NFATC3: variants seen among roughly 807,000 people sequenced by gnomAD.
NFATC3 encodes the protein nuclear factor of activated T-cells, cytoplasmic 3.
NFATC3 carries 46 observed loss-of-function variants against 98.6 expected under a neutral mutation model. The ratio of observed to expected loss-of-function variants is 0.47; its 90% CI spans 0.37 to 0.60. The LOEUF (loss-of-function observed/expected upper bound fraction) is 0.60, where lower values mean the gene tolerates loss of function less well. NFATC3 is among the 20% of genes least tolerant of loss of function. The probability of loss-of-function intolerance (pLI) is 0.00; values close to 1 mark genes in which losing one functional copy is unlikely to be tolerated. For missense variants in NFATC3, 1,256 were observed against 1,295.5 expected (o/e 0.97, Z 0.47); for synonymous variants, 512 against 472.2 (o/e 1.08, Z -1.09).
At chr16:68,112,698 C>CCGGACTG (rs1285911111) in intron 1 of NFATC3, among the ~76,000 whole-genome samples, 13 of 136,690 alleles carry the variant, frequency 9.5e-5, no homozygotes, top group African/African-American at 3.1e-4. Flanking sequence ...GTCGCCCAGG[C>CCGGACTG]CGGACTGCGG....
At chr16:68,136,277 T>C (rs1178201503) in intron 3 of NFATC3, among the ~76,000 whole-genome samples, 2 of 152,098 alleles carry the variant, frequency 1.3e-5, no homozygotes, top group Non-Finnish European at 2.9e-5. Flanking sequence ...TTTTTTTCTT[T>C]TTTCTTTTAT....
intron 1 of NFATC3, among the ~76,000 whole-genome samples, chr16:68,092,716 C>T (rs950557868): frequency 3.3e-5 from 5 of 152,094 alleles, no homozygotes; most frequent in African/African-American, 1.2e-4. Flanking sequence ...CATAAGGATA[C>T]CCTGTTTCTT....
chr16:68,203,547 C>A (rs1240082202), intron 9 of NFATC3, among the ~76,000 whole-genome samples: 2 of 152,014 alleles, frequency 1.3e-5, no homozygotes, highest in African/African-American at 4.8e-5. Context: ...GTGGGAGGAT[C>A]GCTGGAGCCT....
intron 8 of NFATC3, 49 bp from the exon 9 acceptor site, chr16:68,190,719 A>G (rs1316103609): frequency 2.0e-6 from 3 of 1,527,428 alleles, no homozygotes; most frequent in Non-Finnish European, 2.6e-6. Context: ...CTGTCATGAT[A>G]ATTTTATGTA....
At chr16:68,124,372 A>G (rs1463113692) in intron 2 of NFATC3, among the ~76,000 whole-genome samples, 1 of 151,440 alleles carries the variant, frequency 6.6e-6, no homozygotes, top group Admixed American at 6.6e-5. Flanking sequence ...CTCAGTTTGC[A>G]AAGTGCCAGG....
At chr16:68,092,672 C>T (rs908331393) in intron 1 of NFATC3, among the ~76,000 whole-genome samples, 1 of 151,854 alleles carries the variant, frequency 6.6e-6, no homozygotes, top group Non-Finnish European at 1.5e-5. Context: ...GGAAGTATCT[C>T]TTGAGCCTAG....
At chr16:68,144,482 G>T (rs1028823475) in intron 3 of NFATC3, among the ~76,000 whole-genome samples, 6 of 151,074 alleles carry the variant, frequency 4.0e-5, no homozygotes, top group African/African-American at 1.2e-4. Flanking sequence ...AATAATATTC[G>T]TAACAACTAT....
At chr16:68,222,265 G>A (rs1459303208) in intron 9 of NFATC3, among the ~76,000 whole-genome samples, 1 of 117,912 alleles carries the variant, frequency 8.5e-6, no homozygotes, top group East Asian at 2.5e-4. Flanking sequence ...TTCCAGCCTG[G>A]GCAACAGAGT....
At chr16:68,123,636 A>G (rs1460768162) in intron 2 of NFATC3, among the ~76,000 whole-genome samples, 2 of 151,906 alleles carry the variant, frequency 1.3e-5, no homozygotes, top group African/African-American at 4.8e-5. Flanking sequence ...ATTGTACTCC[A>G]TCCTGTTTCT....
chr16:68,100,366 G>GTT (rs2035277983), intron 1 of NFATC3, among the ~76,000 whole-genome samples: 1 of 151,912 alleles, frequency 6.6e-6, no homozygotes. Context: ...TGAGGCCAGG[G>GTT]GTTCAAGACC....
intron 3 of NFATC3, among the ~76,000 whole-genome samples, chr16:68,131,495 C>G (rs2037111363): frequency 1.3e-5 from 2 of 152,060 alleles, no homozygotes; most frequent in African/African-American, 4.8e-5. Flanking sequence ...CCAGGCTGGT[C>G]TCGAACTCCT....
intron 3 of NFATC3, among the ~76,000 whole-genome samples, chr16:68,130,308 G>C (rs2151517102): frequency 6.6e-6 from 1 of 152,174 alleles, no homozygotes; most frequent in Non-Finnish European, 1.5e-5. Context: ...ATCCCAGCCA[G>C]AATTTTCCTT....
At chr16:68,121,943 T>C in intron 1 of NFATC3, 44 bp from the exon 2 acceptor site, 1 of 1,525,720 alleles carries the variant, frequency 6.6e-7, no homozygotes, top group Non-Finnish European at 8.7e-7. Flanking sequence ...TTTTCTAATT[T>C]CTTGTTTTGT....
intron 1 of NFATC3, among the ~76,000 whole-genome samples, chr16:68,100,010 A>G (rs1567496396): frequency 6.6e-6 from 1 of 151,934 alleles, no homozygotes; most frequent in Non-Finnish European, 1.5e-5. Context: ...TTCTTCACTC[A>G]TTGCCTGGCG....
At chr16:68,121,269 C>G (rs1431804401) in intron 1 of NFATC3, among the ~76,000 whole-genome samples, 1 of 120,740 alleles carries the variant, frequency 8.3e-6, no homozygotes, top group Non-Finnish European at 1.6e-5. Flanking sequence ...TTTTTTGAGA[C>G]GGAGTCTTGC....
chr16:68,099,197 G>A (rs2035205536), intron 1 of NFATC3, among the ~76,000 whole-genome samples: 1 of 152,198 alleles, frequency 6.6e-6, no homozygotes, highest in South Asian at 2.1e-4. Flanking sequence ...ACTTTGGGAG[G>A]CTGAGGCCGG....
intron 3 of NFATC3, among the ~76,000 whole-genome samples, chr16:68,130,063 C>T (rs1468311606): frequency 6.6e-6 from 1 of 152,134 alleles, no homozygotes. Flanking sequence ...CTGACGAACA[C>T]TTATTTTGGT....
chr16:68,216,592 C>G (rs1179866079), intron 9 of NFATC3, among the ~76,000 whole-genome samples: 1 of 151,638 alleles, frequency 6.6e-6, no homozygotes, highest in Non-Finnish European at 1.5e-5. Flanking sequence ...AGTGCATTGG[C>G]ATCATACTGG....
At chr16:68,105,566 A>G (rs867748953) in intron 1 of NFATC3, among the ~76,000 whole-genome samples, 16 of 151,914 alleles carry the variant, frequency 1.1e-4, no homozygotes, top group African/African-American at 3.1e-4. Flanking sequence ...TTCATACGGG[A>G]TATTGGTCTG....
Sources: allele counts gnomAD v4.1 joint callset (sites outside exome capture counted in the v4.1 genomes callset), GRCh38; gene constraint gnomAD v4.1.1; transcripts MANE v1.5; gene names NCBI Gene and HGNC (gene_info 2026-07-23, HGNC 2026-07-21).